FBXL7: variants seen among roughly 807,000 people sequenced by gnomAD.
The protein encoded by FBXL7 is F-box and leucine rich repeat protein 7, also known as F-box/LRR-repeat protein 7.
A neutral mutation model predicts 38.3 loss-of-function variants in FBXL7; 12 were observed. The ratio of observed to expected loss-of-function variants is 0.31; its 90% confidence interval spans 0.20 to 0.51. The LOEUF (loss-of-function observed/expected upper bound fraction) is 0.51. Ranked by LOEUF, FBXL7 falls within the 20% of genes least tolerant of loss-of-function variation. FBXL7 has a pLI of 0.98. For synonymous variants in FBXL7, 297 were observed against 300.9 expected (o/e 0.99, Z 0.13); for missense variants, 567 against 676.4 (o/e 0.84, Z 1.79).
intron 1 of FBXL7, among the ~76,000 whole-genome samples, chr5:15,574,635 C>T (rs1738897786): frequency 6.6e-6 from 1 of 152,142 alleles, no homozygotes; most frequent in Admixed American, 6.5e-5. Flanking sequence ...TTCAAGGTAA[C>T]ATTTCACTCT....
chr5:15,807,246 T>G (rs1737738451), intron 2 of FBXL7, among the ~76,000 whole-genome samples: 1 of 152,140 alleles, frequency 6.6e-6, no homozygotes, highest in Admixed American at 6.5e-5. Flanking sequence ...CTGGCCTGAT[T>G]GCGTTTCTAA....
intron 2 of FBXL7, among the ~76,000 whole-genome samples, chr5:15,618,596 C>T (rs1740527074): frequency 6.6e-6 from 1 of 152,118 alleles, no homozygotes; most frequent in Admixed American, 6.6e-5. Context: ...GAGACATAGT[C>T]TCAGGAAGAG....
chr5:15,917,058 A>G (rs887441089), intron 2 of FBXL7, among the ~76,000 whole-genome samples: 1 of 152,188 alleles, frequency 6.6e-6, no homozygotes, highest in African/African-American at 2.4e-5. Context: ...TCTGTGGCTC[A>G]TGGAGTTTCA....
intron 2 of FBXL7, among the ~76,000 whole-genome samples, chr5:15,831,655 C>T (rs924554997): frequency 6.6e-6 from 1 of 152,104 alleles, no homozygotes; most frequent in Non-Finnish European, 1.5e-5. Context: ...CTGTGAAACG[C>T]ACTCTGGGAA....
intron 1 of FBXL7, among the ~76,000 whole-genome samples, chr5:15,612,181 G>A (rs761114024): frequency 6.6e-6 from 1 of 151,826 alleles, no homozygotes; most frequent in Non-Finnish European, 1.5e-5. Flanking sequence ...GAGATATACA[G>A]TATATCTGTA....
chr5:15,582,475 G>A (rs1260524092), intron 1 of FBXL7, among the ~76,000 whole-genome samples: 1 of 152,164 alleles, frequency 6.6e-6, no homozygotes, highest in Non-Finnish European at 1.5e-5. Flanking sequence ...CTCCATACCT[G>A]TGGAGTTATC....
chr5:15,832,587 C>T lies in FBXL7; in HGVS notation c.128-95303C>T, dbSNP rs145703202. 7.9e-5 allele frequency among the ~76,000 whole-genome samples: 12 copies of T among 152,250 alleles called. No homozygotes were observed. The East Asian group carries it at 1.9e-3, about 25-fold the overall frequency. Reference sequence around the variant, plus strand: ...AAACAGCTAGTTTAAGGAGGTTTTGCAAGTGGCTATCAGTAGAAGAAGGAA... The same window carrying T: ...AAACAGCTAGTTTAAGGAGGTTTTGTAAGTGGCTATCAGTAGAAGAAGGAA... On this transcript the variant is annotated intron_variant, in intron 2 of 3. Coordinates refer to ENST00000504595, the MANE Select transcript of FBXL7 (RefSeq NM_012304.5).
At chr5:15,734,063 C>T (rs549562311) in intron 2 of FBXL7, among the ~76,000 whole-genome samples, 13 of 148,024 alleles carry the variant, frequency 8.8e-5, no homozygotes, top group African/African-American at 1.3e-4. Context: ...TGCAGTGCAC[C>T]AAGATTGTGC....
At chr5:15,890,039 C>G (rs1291084531) in intron 2 of FBXL7, among the ~76,000 whole-genome samples, 1 of 152,116 alleles carries the variant, frequency 6.6e-6, no homozygotes, top group African/African-American at 2.4e-5. Flanking sequence ...TATCAGACTT[C>G]ATTCTCTCAT....
intron 2 of FBXL7, among the ~76,000 whole-genome samples, chr5:15,818,171 G>C (rs1411527266): frequency 2.0e-5 from 3 of 151,922 alleles, no homozygotes; most frequent in Admixed American, 2.0e-4. Flanking sequence ...TGTGAAGGAG[G>C]TAAAATCTGA....
intron 1 of FBXL7, among the ~76,000 whole-genome samples, chr5:15,565,086 G>T (rs1304121929): frequency 6.6e-6 from 1 of 151,878 alleles, no homozygotes; most frequent in African/African-American, 2.4e-5. Context: ...TCCTGTTTTA[G>T]AAAGAAAAAG....
At chr5:15,709,356 C>A (rs1359886446) in intron 2 of FBXL7, among the ~76,000 whole-genome samples, 2 of 151,806 alleles carry the variant, frequency 1.3e-5, no homozygotes, top group African/African-American at 4.8e-5. Context: ...CAACATGGTA[C>A]AACCCTGTCT....
intron 2 of FBXL7, among the ~76,000 whole-genome samples, chr5:15,679,163 T>C (rs1742755758): frequency 6.6e-6 from 1 of 152,214 alleles, no homozygotes; most frequent in South Asian, 2.1e-4. Context: ...TGCCAGGGCA[T>C]TATAGACAAA....
intron 2 of FBXL7, among the ~76,000 whole-genome samples, chr5:15,771,885 A>C: frequency 6.7e-6 from 1 of 148,924 alleles, no homozygotes; most frequent in East Asian, 2.0e-4. Flanking sequence ...CTCCTGCTTC[A>C]GCCTCTCAAG....
At chr5:15,745,227 CA>C (rs79066979) in intron 2 of FBXL7, among the ~76,000 whole-genome samples, 81,121 of 151,414 alleles carry the variant, frequency 0.54, 21,849 homozygotes, top group East Asian at 0.67. Flanking sequence ...TATTATTTCT[CA>C]AAAAAAAGGA....
At position 15,585,470 on chromosome 5, in the gene FBXL7, C is replaced by T. The variant is rs117888194; in HGVS notation, c.38-30513C>T. On this transcript the variant is annotated intron_variant, in intron 1 of 3. Transcript: ENST00000504595. ...ATTTTGCAGAGCAAAGAGAATGAAC[C>T]GTTCAAAATTAAAAGTTAAATTTCA... 6.9e-4 allele frequency among the ~76,000 whole-genome samples: 105 copies of T among 152,268 alleles called. 1 individual carries two copies. The highest frequency in any genetic ancestry group is 2.3e-3 in the African/African-American group (97 of 41,564).
Position 15,927,886 on chromosome 5 carries a change from C to G in FBXL7, c.128-4C>G. 1 of 1,515,780 alleles carries G rather than the reference C, an allele frequency of 6.6e-7. No individual in the cohort carries two copies. 93.9% of individuals were successfully genotyped at this position (1,515,780 alleles called of 1,614,324 possible). On this transcript the variant is annotated splice_polypyrimidine_tract_variant and splice_region_variant and intron_variant, in intron 2 of 3. Transcript: ENST00000504595. ...ATTAACCTTTGTTCTCTGTCCTTTGCCAGACTCCGACCTGAGCATGCGCAC... is the reference window on the plus strand; with the variant it reads ...ATTAACCTTTGTTCTCTGTCCTTTGGCAGACTCCGACCTGAGCATGCGCAC...
rs540613607 is a variant in FBXL7 at position 15,612,812 on chromosome 5, C to T, written c.38-3171C>T. Among the ~76,000 whole-genome samples, 4 of 152,284 alleles carry T rather than the reference C, an allele frequency of 2.6e-5. No individual in the cohort carries two copies. In the East Asian group the frequency reaches 7.7e-4, roughly 29 times the overall value. On this transcript the variant is annotated intron_variant, in intron 1 of 3. Coordinates refer to ENST00000504595, the MANE Select transcript of FBXL7 (RefSeq NM_012304.5). ...AGGAAAGTGATATGCAGGTTGAGTCCTCACGCAGCCGGGAGTGGGCACGTG... is the reference window on the plus strand; with the variant it reads ...AGGAAAGTGATATGCAGGTTGAGTCTTCACGCAGCCGGGAGTGGGCACGTG...
chr5:15,640,884 G>C (rs983311551), intron 2 of FBXL7, among the ~76,000 whole-genome samples: 1 of 152,126 alleles, frequency 6.6e-6, no homozygotes, highest in African/African-American at 2.4e-5. Flanking sequence ...AAGAGCCTTG[G>C]GAGTTGGTCT....
Sources: gnomAD v4.1 joint callset for allele counts (sites outside exome capture counted in the v4.1 genomes callset) on GRCh38, gnomAD v4.1.1 for gene constraint, MANE v1.5 for transcripts, NCBI Gene and HGNC (gene_info 2026-07-23, HGNC 2026-07-21) for gene names.